The following ANKMY2 variants were observed in gnomAD, a reference collection of about 807,000 sequenced individuals.
ANKMY2 encodes ankyrin repeat and MYND domain-containing protein 2.
In ANKMY2, 36 loss-of-function variants were observed where a neutral mutation model predicts 50.4. That is an observed-to-expected ratio of 0.71 (90% CI 0.55 to 0.94). The LOEUF (loss-of-function observed/expected upper bound fraction) is 0.94. Ranked by LOEUF, ANKMY2 falls within the 40% of genes least tolerant of loss-of-function variation. The probability of loss-of-function intolerance (pLI) is 0.00; values close to 1 mark genes in which losing one functional copy is unlikely to be tolerated. For missense variants in ANKMY2, 565 were observed against 524.0 expected (o/e 1.08, Z -0.76); for synonymous variants, 187 against 178.8 (o/e 1.05, Z -0.36).
intron 2 of ANKMY2, among the ~76,000 whole-genome samples, chr7:16,632,297 C>T (rs1170861592): frequency 6.6e-6 from 1 of 152,052 alleles, no homozygotes; most frequent in African/African-American, 2.4e-5. Context: ...ACAAATAAAT[C>T]GGTTTATTAT....
At chr7:16,641,151 T>C (rs113004597) in intron 1 of ANKMY2, among the ~76,000 whole-genome samples, 5,315 of 152,110 alleles carry the variant, frequency 0.035, 318 homozygotes, top group African/African-American at 0.12. Flanking sequence ...GGAGAATTGC[T>C]TGAACTTGGG....
chr7:16,638,079 G>A (rs1156425844), intron 1 of ANKMY2, among the ~76,000 whole-genome samples: 1 of 152,196 alleles, frequency 6.6e-6, no homozygotes, highest in Non-Finnish European at 1.5e-5. Context: ...GTTCTCTCCT[G>A]CTTAACTCTC....
At chr7:16,643,816 C>G (rs573580107) in intron 1 of ANKMY2, among the ~76,000 whole-genome samples, 1 of 148,984 alleles carries the variant, frequency 6.7e-6, no homozygotes, top group Admixed American at 6.7e-5. Context: ...CCCAGGAGTT[C>G]GAGAGCAGCC....
At chr7:16,613,920 CAA>C (rs143274762) in intron 5 of ANKMY2, among the ~76,000 whole-genome samples, 1,672 of 111,830 alleles carry the variant, frequency 0.015, 30 homozygotes, top group African/African-American at 0.052. Flanking sequence ...GACCCTATCT[CAA>C]AAAAAAAAAA....
Position 16,610,534 on chromosome 7 carries a change from T to C in ANKMY2, c.746+15A>G, listed in dbSNP as rs1349301945. 1.3e-6 allele frequency: 2 copies of C among 1,579,512 alleles called. No homozygotes were observed. The highest frequency in any genetic ancestry group is 1.7e-6 in the Non-Finnish European group (2 of 1,155,402). On this transcript the variant is annotated intron_variant, in intron 6 of 9. Coordinates refer to ENST00000306999, the MANE Select transcript of ANKMY2 (RefSeq NM_020319.3). ...ACTTGAGTGTATTTTATAAACGACA[T>C]AGTAAAAAGAGTACCTTTTGATCAA...
chr7:16,607,558 A>AC (rs534676744), intron 7 of ANKMY2, among the ~76,000 whole-genome samples: 3 of 151,158 alleles, frequency 2.0e-5, no homozygotes, highest in Non-Finnish European at 2.9e-5. Context: ...ACAAAACAAG[A>AC]CCCCCCTCAA....
intron 3 of ANKMY2, among the ~76,000 whole-genome samples, chr7:16,626,575 T>C (rs1212568217): frequency 6.6e-6 from 1 of 152,210 alleles, no homozygotes; most frequent in Non-Finnish European, 1.5e-5. Context: ...ACAGTATTTC[T>C]AAATTGTCCT....
At chr7:16,601,086 C>A in intron 9 of ANKMY2, 141 bp from the exon 10 acceptor site, 1 of 615,702 alleles carries the variant, frequency 1.6e-6, no homozygotes, top group Non-Finnish European at 2.4e-6. Context: ...CGTTATTTTA[C>A]AAATGAGAAA....
At chr7:16,644,143 AC>A (rs1214479546) in intron 1 of ANKMY2, among the ~76,000 whole-genome samples, 1 of 152,232 alleles carries the variant, frequency 6.6e-6, no homozygotes, top group African/African-American at 2.4e-5. Context: ...TACCTGGCAC[AC>A]AGCTAGAACT....
chr7:16,611,093 A>G (rs1781243364), intron 5 of ANKMY2, among the ~76,000 whole-genome samples: 2 of 152,224 alleles, frequency 1.3e-5, no homozygotes, highest in Admixed American at 1.3e-4. Flanking sequence ...AAACATGACA[A>G]ATTTGTACAT....
intron 1 of ANKMY2, among the ~76,000 whole-genome samples, chr7:16,643,704 C>G (rs1781775930): frequency 6.6e-6 from 1 of 151,806 alleles, no homozygotes. Flanking sequence ...TAAAACTGCT[C>G]ACTATTTTTC....
chr7:16,622,977 A>T (rs146114544), intron 4 of ANKMY2, among the ~76,000 whole-genome samples: 1 of 152,322 alleles, frequency 6.6e-6, no homozygotes, highest in East Asian at 1.9e-4. Flanking sequence ...GGGAGAGCTA[A>T]CTGAACTGTG....
intron 2 of ANKMY2, among the ~76,000 whole-genome samples, chr7:16,630,619 G>A (rs1224346326): frequency 1.3e-5 from 2 of 152,148 alleles, no homozygotes; most frequent in Admixed American, 6.5e-5. Flanking sequence ...GTCAGACACT[G>A]ATCTATACAT....
chr7:16,603,890 A>T (rs773164342), intron 8 of ANKMY2, among the ~76,000 whole-genome samples: 9 of 152,222 alleles, frequency 5.9e-5, no homozygotes, highest in Non-Finnish European at 1.2e-4. Flanking sequence ...AGCCAACCAC[A>T]ACTGTGAGAG....
At position 16,636,264 on chromosome 7, in the gene ANKMY2, C is replaced by T. The variant is rs1781657408; in HGVS notation, c.132+127G>A. 5.8e-6 allele frequency: 4 copies of T among 688,392 alleles called. No individual in the cohort carries two copies. In the South Asian group the frequency reaches 8.9e-5, roughly 15 times the overall value. The allele number at this position is 688,392 out of a possible 1,614,324, so 42.6% of individuals were successfully genotyped here. A position where few individuals can be genotyped will look rare whatever the true frequency, so the allele number is the denominator to read the frequency against. ...GTTGCAGTGAGCCAAAATTGTGCCA[C>T]TGCATTCCAGCCTGGGCGAAAGAGC... On this transcript the variant is annotated intron_variant, in intron 2 of 9. Transcript: ENST00000306999.
At chr7:16,634,904 C>T (rs1781635108) in intron 2 of ANKMY2, among the ~76,000 whole-genome samples, 1 of 152,018 alleles carries the variant, frequency 6.6e-6, no homozygotes, top group Admixed American at 6.5e-5. Flanking sequence ...TATCAAAATA[C>T]AGAATCATAC....
intron 5 of ANKMY2, 75 bp from the exon 6 acceptor site, chr7:16,610,838 T>A (rs1001622191): frequency 1.4e-5 from 19 of 1,316,146 alleles, no homozygotes; most frequent in Non-Finnish European, 1.9e-5. Context: ...TCCATTTAGT[T>A]GATTTCAAAA....
chr7:16,607,294 G>A (rs927275249), intron 7 of ANKMY2, among the ~76,000 whole-genome samples: 33 of 152,128 alleles, frequency 2.2e-4, no homozygotes, highest in South Asian at 6.2e-4. Context: ...GGCCGGGTAC[G>A]GTGGCTCACG....
At chr7:16,617,473 G>A (rs1175199251) in intron 4 of ANKMY2, among the ~76,000 whole-genome samples, 8 of 152,180 alleles carry the variant, frequency 5.3e-5, no homozygotes. Flanking sequence ...CCAACAGAGG[G>A]CTTCTTGGGT....
Sources: gnomAD v4.1 joint callset for allele counts (sites outside exome capture counted in the v4.1 genomes callset) on GRCh38, gnomAD v4.1.1 for gene constraint, MANE v1.5 for transcripts, NCBI Gene and HGNC (gene_info 2026-07-23, HGNC 2026-07-21) for gene names.